Variants in TFDP2 observed in about 807,000 individuals in gnomAD.
TFDP2 encodes transcription factor Dp-2 (E2F dimerization partner 2).
In TFDP2, 17 loss-of-function variants were observed where a neutral mutation model predicts 59.3. The ratio of observed to expected loss-of-function variants is 0.29; its 90% confidence interval spans 0.20 to 0.43. The LOEUF (loss-of-function observed/expected upper bound fraction) is 0.43, where lower values mean the gene tolerates loss of function less well. Among genes scored for constraint, TFDP2 ranks in the 20% least tolerant of loss-of-function variants. The pLI is 1.00. For missense variants in TFDP2, 391 were observed against 528.8 expected (o/e 0.74, Z 2.56); for synonymous variants, 180 against 194.7 (o/e 0.92, Z 0.63).
chr3:142,037,681 G>C (rs1156474716), intron 3 of TFDP2, among the ~76,000 whole-genome samples: 1 of 152,192 alleles, frequency 6.6e-6, no homozygotes, highest in Non-Finnish European at 1.5e-5. Flanking sequence ...CAAAGTAAGA[G>C]AGGGAATCCA....
intron 1 of TFDP2, among the ~76,000 whole-genome samples, chr3:142,130,471 T>G (rs1191194105): frequency 3.3e-5 from 5 of 151,922 alleles, no homozygotes; most frequent in Admixed American, 6.6e-5. Context: ...TTGTTTGTTT[T>G]TTTACCGTAT....
At chr3:142,113,974 C>CT (rs1367485553) in intron 1 of TFDP2, among the ~76,000 whole-genome samples, 1 of 152,006 alleles carries the variant, frequency 6.6e-6, no homozygotes, top group African/African-American at 2.4e-5. Flanking sequence ...ATCATCCTGT[C>CT]TAACACGGTG....
At chr3:141,961,033 G>T (rs1221708200) in intron 10 of TFDP2, among the ~76,000 whole-genome samples, 2 of 152,076 alleles carry the variant, frequency 1.3e-5, no homozygotes, top group African/African-American at 4.8e-5. Context: ...TCCAGCCTGG[G>T]GGAACAGTGT....
In TFDP2 at chr3:142,043,904, G is replaced by T. The variant is rs1286335362; in HGVS notation, c.83-38360C>A. On this transcript the variant is annotated intron_variant, in intron 3 of 12. Coordinates refer to ENST00000489671, the MANE Select transcript of TFDP2 (RefSeq NM_001178139.2). ...GATTCACAGTATCTTCTAAGCAGCC[G>T]GCGCAGAATCCACATGACCTTCTCT... is the stretch of plus-strand genomic sequence containing the variant. The T allele has an allele frequency of 7.2e-6, 7 of 967,822 alleles. No homozygotes were observed. The South Asian group carries it at 9.0e-5, about 12-fold the overall frequency. The allele number at this position is 967,822 out of a possible 1,614,324, so 60.0% of individuals were successfully genotyped here. A position where few individuals can be genotyped will look rare whatever the true frequency, so the allele number is the denominator to read the frequency against.
chr3:142,083,667 T>A (rs1180522052), intron 3 of TFDP2, among the ~76,000 whole-genome samples: 1 of 152,050 alleles, frequency 6.6e-6, no homozygotes, highest in Non-Finnish European at 1.5e-5. Flanking sequence ...CATAGACCAA[T>A]GGAACAGAAT....
At chr3:142,123,632 T>C (rs956484194) in intron 1 of TFDP2, among the ~76,000 whole-genome samples, 1 of 152,186 alleles carries the variant, frequency 6.6e-6, no homozygotes, top group African/African-American at 2.4e-5. Context: ...AATTACTTAA[T>C]AGGATTATAT....
At chr3:142,111,426 T>TG (rs2061657300) in intron 1 of TFDP2, among the ~76,000 whole-genome samples, 3 of 71,306 alleles carry the variant, frequency 4.2e-5, no homozygotes, top group African/African-American at 6.6e-5. Context: ...AGACTCTGTC[T>TG]CAAAAAAAAA....
intron 3 of TFDP2, among the ~76,000 whole-genome samples, chr3:142,055,624 A>T (rs571663763): frequency 1.6e-4 from 25 of 152,294 alleles, no homozygotes; most frequent in African/African-American, 5.8e-4. Context: ...TGTCCTTAAA[A>T]CCTATTATCA....
chr3:142,095,612 T>C (rs2061135285), intron 2 of TFDP2, among the ~76,000 whole-genome samples: 1 of 152,214 alleles, frequency 6.6e-6, no homozygotes, highest in African/African-American at 2.4e-5. Context: ...TTCTTATCAC[T>C]TTTCAGTTAG....
chr3:141,957,848 G>T (rs1936890875), intron 11 of TFDP2, among the ~76,000 whole-genome samples: 1 of 152,158 alleles, frequency 6.6e-6, no homozygotes, highest in Non-Finnish European at 1.5e-5. Context: ...TAATGGGTTT[G>T]GGTTTCTTTT....
intron 1 of TFDP2, among the ~76,000 whole-genome samples, chr3:142,113,832 C>A (rs1216064933): frequency 1.3e-5 from 2 of 152,058 alleles, no homozygotes; most frequent in Non-Finnish European, 2.9e-5. Flanking sequence ...GTATAATCAG[C>A]GTCATCATGG....
intron 3 of TFDP2, among the ~76,000 whole-genome samples, chr3:142,065,335 T>G (rs369182693): frequency 7.4e-4 from 113 of 152,286 alleles, no homozygotes; most frequent in African/African-American, 2.7e-3. Context: ...ATTTTTGTAC[T>G]TTTTGTAGAA....
In TFDP2 at chr3:141,944,483, C is replaced by CG. The variant is rs1460565349; in HGVS notation, c.*8029_*8030insC. ...TACATTTCATTCAAATCATAAAAGT[C>CG]TGATACATTTTTTTCTCAAGAACAA... is the stretch of plus-strand genomic sequence containing the variant. On this transcript the variant is annotated 3_prime_UTR_variant, in exon 13 of 13. Transcript: ENST00000489671. 3 of 152,114 alleles carry CG rather than the reference C, an allele frequency of 2.0e-5. No individual in the cohort carries two copies. The South Asian group carries it at 6.2e-4, about 31-fold the overall frequency. 9.4% of individuals were successfully genotyped at this position (152,114 alleles called of 1,614,324 possible). A position where few individuals can be genotyped will look rare whatever the true frequency, so the allele number is the denominator to read the frequency against.
chr3:142,047,365 T>A (rs1398068758), intron 3 of TFDP2, among the ~76,000 whole-genome samples: 1 of 152,190 alleles, frequency 6.6e-6, no homozygotes, highest in Non-Finnish European at 1.5e-5. Flanking sequence ...CCACATCAGG[T>A]GTGAATTATA....
intron 1 of TFDP2, among the ~76,000 whole-genome samples, chr3:142,128,698 G>A (rs928410765): frequency 1.3e-5 from 2 of 151,968 alleles, no homozygotes; most frequent in Non-Finnish European, 2.9e-5. Flanking sequence ...AGAAAGAGAG[G>A]GAGGGAGGGG....
chr3:141,984,664 G>A (rs1300329661), intron 6 of TFDP2, among the ~76,000 whole-genome samples: 1 of 152,146 alleles, frequency 6.6e-6, no homozygotes. Context: ...AAGATGGATA[G>A]TGGTGATAGT....
At chr3:141,964,732 GCTCT>G (rs2107916232) in intron 9 of TFDP2, among the ~76,000 whole-genome samples, 1 of 152,266 alleles carries the variant, frequency 6.6e-6, no homozygotes, top group East Asian at 1.9e-4. Context: ...CAGGTCCTAA[GCTCT>G]GCCATCTCTG....
intron 8 of TFDP2, 82 bp downstream of exon 8, chr3:141,973,966 A>G (rs1004579351): frequency 1.5e-5 from 22 of 1,448,422 alleles, no homozygotes; most frequent in East Asian, 5.0e-5. Context: ...AATATTTTAT[A>G]TTAGAATTAC....
chr3:141,967,864 A>G (rs77575982), intron 9 of TFDP2, among the ~76,000 whole-genome samples: 11,352 of 152,266 alleles, frequency 0.075, 529 homozygotes, highest in Non-Finnish European at 0.11. Flanking sequence ...TAGAGACAGG[A>G]AAGTCCTACA....
Sources: allele counts gnomAD v4.1 joint callset (sites outside exome capture counted in the v4.1 genomes callset), GRCh38; gene constraint gnomAD v4.1.1; transcripts MANE v1.5; gene names NCBI Gene and HGNC (gene_info 2026-07-23, HGNC 2026-07-21).